The following PDE1C variants were observed in gnomAD, a reference collection of about 807,000 sequenced individuals.
The protein encoded by PDE1C is phosphodiesterase 1C, also known as dual specificity calcium/calmodulin-dependent 3',5'-cyclic nucleotide phosphodiesterase 1C.
Under a neutral mutation model 93.1 loss-of-function variants are expected in PDE1C, and 62 were observed. The ratio of observed to expected loss-of-function variants is 0.67; its 90% CI spans 0.54 to 0.82. PDE1C has a LOEUF of 0.82. Ranked by LOEUF, PDE1C falls within the 40% of genes least tolerant of loss-of-function variation. The pLI is 0.00. For synonymous variants in PDE1C, 325 were observed against 310.1 expected (o/e 1.05, Z -0.50); for missense variants, 742 against 884.6 (o/e 0.84, Z 2.04).
intron 2 of PDE1C, among the ~76,000 whole-genome samples, chr7:31,997,220 T>G (rs1164412374): frequency 6.6e-6 from 1 of 152,202 alleles, no homozygotes; most frequent in Non-Finnish European, 1.5e-5. Flanking sequence ...ACAAATTACT[T>G]AAGCACCTCA....
chr7:31,760,277 G>C lies in PDE1C; in HGVS notation c.1961-6724C>G, dbSNP rs372135816. ...TCCTTTTTATCAAGGACATCTTATAGAGTGAAAACGCCTTCAGAAAAATGG... is the reference window on the plus strand; with the variant it reads ...TCCTTTTTATCAAGGACATCTTATACAGTGAAAACGCCTTCAGAAAAATGG... On this transcript the variant is annotated intron_variant, in intron 17 of 17. Transcript: ENST00000396191. 3.7e-4 allele frequency among the ~76,000 whole-genome samples: 56 copies of C among 152,280 alleles called. 1 individual carries two copies. Among genetic ancestry groups the C allele is most frequent in the African/African-American group, 1.2e-3 (51 of 41,552 alleles).
intron 2 of PDE1C, among the ~76,000 whole-genome samples, chr7:31,942,821 T>G (rs1806035668): frequency 1.3e-5 from 2 of 152,186 alleles, no homozygotes; most frequent in Admixed American, 6.6e-5. Flanking sequence ...GTTGAGCCGA[T>G]TCACATATAT....
At chr7:31,976,724 G>A (rs1035992318) in intron 2 of PDE1C, among the ~76,000 whole-genome samples, 1 of 152,104 alleles carries the variant, frequency 6.6e-6, no homozygotes, top group Non-Finnish European at 1.5e-5. Flanking sequence ...ATCAGAGTGA[G>A]CCCTTTAAAA....
Position 31,751,906 on chromosome 7 carries a change from G to A in PDE1C, c.*1478C>T, listed in dbSNP as rs780421156. 3.3e-5 allele frequency: 5 copies of A among 152,102 alleles called. No homozygotes were observed. Among genetic ancestry groups the A allele is most frequent in the Admixed American group, 1.3e-4 (2 of 15,260 alleles). The allele number at this position is 152,102 out of a possible 1,614,324, so 9.4% of individuals were successfully genotyped here. On this transcript the variant is annotated 3_prime_UTR_variant, in exon 18 of 18. Transcript: ENST00000396191. ...CAAGCCTGGAAGGTCGAGGCCATCC[G>A]GGAACAAACAGCTCCTTCTTTGTAG... is the stretch of plus-strand genomic sequence containing the variant.
At chr7:32,063,299 C>T (rs562882650) in intron 1 of PDE1C, among the ~76,000 whole-genome samples, 1 of 152,300 alleles carries the variant, frequency 6.6e-6, no homozygotes, top group East Asian at 1.9e-4. Context: ...AACCTAATAA[C>T]AATTATTTCT....
At chr7:31,758,832 T>A (rs1449190130) in intron 17 of PDE1C, among the ~76,000 whole-genome samples, 1 of 152,140 alleles carries the variant, frequency 6.6e-6, no homozygotes, top group Non-Finnish European at 1.5e-5. Flanking sequence ...GGGCTTCAGC[T>A]TAAAAGCAGA....
chr7:32,071,498 C>G (rs182773353), upstream of PDE1C: 1,352 of 801,092 alleles, frequency 1.7e-3, 27 homozygotes, highest in African/African-American at 0.023. Flanking sequence ...TCCCTTTCAC[C>G]CCCCCACCCC....
intron 3 of PDE1C, among the ~76,000 whole-genome samples, chr7:32,079,302 A>T (rs923032856): frequency 1.3e-5 from 2 of 152,250 alleles, no homozygotes; most frequent in African/African-American, 4.8e-5. Context: ...GGGAAAACAG[A>T]TACTAAACAG....
intron 1 of PDE1C, among the ~76,000 whole-genome samples, chr7:32,294,751 G>T (rs1405914998): frequency 6.6e-6 from 1 of 152,140 alleles, no homozygotes; most frequent in African/African-American, 2.4e-5. Flanking sequence ...CTGCACCTAC[G>T]CATCCCAATC....
At chr7:31,650,816 T>A in the PDE1C span, among the ~76,000 whole-genome samples, 2 of 152,154 alleles carry the variant, frequency 1.3e-5, no homozygotes, top group Non-Finnish European at 2.9e-5. Context: ...AAACCCTTAC[T>A]CTGGCACTTC....
At chr7:31,785,063 TG>T (rs1480952523) in intron 16 of PDE1C, 1 of 152,198 alleles carries the variant, frequency 6.6e-6, no homozygotes. Context: ...TCTATAGCCA[TG>T]GGGTTTTAAT....
intron 1 of PDE1C, among the ~76,000 whole-genome samples, chr7:32,425,436 T>C (rs970241273): frequency 1.4e-4 from 22 of 152,302 alleles, no homozygotes; most frequent in Middle Eastern, 3.4e-3. Context: ...TCCTAGGTGA[T>C]ATAAAACTCA....
exon 1 of PDE1C, chr7:32,298,813 C>T (rs1812793773): frequency 6.7e-7 from 1 of 1,490,440 alleles, no homozygotes; most frequent in African/African-American, 1.4e-5. Flanking sequence ...GTGAGCAGCC[C>T]GGGGCTCGGC....
chr7:31,854,014 A>G (rs370034199), intron 7 of PDE1C, among the ~76,000 whole-genome samples: 4 of 152,224 alleles, frequency 2.6e-5, no homozygotes, highest in African/African-American at 9.6e-5. Context: ...GGCGTGAGCA[A>G]CTGTGCCTGG....
intron 5 of PDE1C, among the ~76,000 whole-genome samples, chr7:31,877,405 T>C (rs1379861925): frequency 6.6e-6 from 1 of 152,116 alleles, no homozygotes; most frequent in African/African-American, 2.4e-5. Flanking sequence ...TGAGAGTCTT[T>C]GGAAAACAAT....
chr7:32,128,263 TAAC>T (rs1416605096), intron 3 of PDE1C, among the ~76,000 whole-genome samples: 1 of 151,848 alleles, frequency 6.6e-6, no homozygotes, highest in Non-Finnish European at 1.5e-5. Context: ...ATGAATGCTT[TAAC>T]TATTTACTAT....
intron 2 of PDE1C, among the ~76,000 whole-genome samples, chr7:31,962,974 G>GC (rs1192165024): frequency 2.1e-4 from 32 of 152,248 alleles, no homozygotes; most frequent in African/African-American, 7.5e-4. Flanking sequence ...ATTAAGTTTA[G>GC]CCCCTTTAAA....
chr7:31,790,423 T>C (rs971510202), intron 16 of PDE1C, among the ~76,000 whole-genome samples: 1 of 152,120 alleles, frequency 6.6e-6, no homozygotes, highest in Admixed American at 6.6e-5. Flanking sequence ...GTAACAAGAT[T>C]TGTTCTATTC....
intron 2 of PDE1C, among the ~76,000 whole-genome samples, chr7:31,952,703 G>T (rs951876182): frequency 1.2e-4 from 19 of 152,302 alleles, no homozygotes; most frequent in African/African-American, 4.3e-4. Flanking sequence ...ATGGACTAAT[G>T]ATACCTGCTT....
Sources: allele counts gnomAD v4.1 joint callset (sites outside exome capture counted in the v4.1 genomes callset), GRCh38; gene constraint gnomAD v4.1.1; transcripts MANE v1.5; gene names NCBI Gene and HGNC (gene_info 2026-07-23, HGNC 2026-07-21).